Variants in KHDRBS2 observed in about 807,000 individuals in gnomAD.
KHDRBS2 encodes the protein KH RNA binding domain containing, signal transduction associated 2.
In KHDRBS2, 26 loss-of-function variants were observed where a neutral mutation model predicts 44.3. The observed-to-expected ratio is 0.59, with a 90% confidence interval of 0.43 to 0.81. The LOEUF (loss-of-function observed/expected upper bound fraction) is 0.81, where lower values mean the gene tolerates loss of function less well. Among genes scored for constraint, KHDRBS2 ranks in the 40% least tolerant of loss-of-function variants. The probability of loss-of-function intolerance (pLI) is 0.00; values close to 1 mark genes in which losing one functional copy is unlikely to be tolerated. For missense variants in KHDRBS2, 476 were observed against 433.1 expected, an observed-to-expected ratio of 1.10 and a Z score of -0.88; for synonymous variants, 194 against 151.1, an observed-to-expected ratio of 1.28 and a Z score of -2.08.
the KHDRBS2 span, among the ~76,000 whole-genome samples, chr6:61,668,367 T>A: frequency 2.6e-5 from 4 of 151,012 alleles, no homozygotes; most frequent in Non-Finnish European, 4.5e-5. Flanking sequence ...CTGGTATAAA[T>A]TTTTATTCTT....
intron 1 of KHDRBS2, among the ~76,000 whole-genome samples, chr6:62,262,881 A>AT (rs1258733459): frequency 1.3e-5 from 2 of 151,740 alleles, no homozygotes; most frequent in African/African-American, 2.4e-5. Flanking sequence ...ATATAGTAAA[A>AT]TTTTTCTCTA....
chr6:61,558,247 T>G, the KHDRBS2 span, among the ~76,000 whole-genome samples: 1 of 152,144 alleles, frequency 6.6e-6, no homozygotes, highest in Non-Finnish European at 1.5e-5. Context: ...TCTTACTTTT[T>G]TGATGTAGGT....
chr6:62,261,688 T>C (rs1395370174), intron 1 of KHDRBS2, among the ~76,000 whole-genome samples: 4 of 151,956 alleles, frequency 2.6e-5, no homozygotes, highest in African/African-American at 9.6e-5. Flanking sequence ...ATTAGCTTGC[T>C]AAATCGTATA....
chr6:62,156,832 C>T (rs1306180217), intron 2 of KHDRBS2, among the ~76,000 whole-genome samples: 12 of 114,838 alleles, frequency 1.0e-4, no homozygotes, highest in South Asian at 6.4e-4. Flanking sequence ...CCACCACGCC[C>T]GGCTAATTTT....
intron 2 of KHDRBS2, among the ~76,000 whole-genome samples, chr6:62,106,954 G>C (rs1803533309): frequency 6.6e-6 from 1 of 151,884 alleles, no homozygotes; most frequent in African/African-American, 2.4e-5. Flanking sequence ...AAAATAATAA[G>C]AGCCATCTAA....
chr6:61,965,468 C>T (rs1769715809), intron 4 of KHDRBS2, among the ~76,000 whole-genome samples: 1 of 151,908 alleles, frequency 6.6e-6, no homozygotes, highest in South Asian at 2.1e-4. Flanking sequence ...TTATTCCCTA[C>T]AGTTTCTTCT....
intron 4 of KHDRBS2, among the ~76,000 whole-genome samples, chr6:61,955,113 T>TAC (rs1554291299): frequency 7.1e-6 from 1 of 140,644 alleles, no homozygotes; most frequent in Admixed American, 7.0e-5. Flanking sequence ...TATACACATA[T>TAC]GTGTATATAT....
At chr6:61,704,627 G>A (rs556634713) in intron 7 of KHDRBS2, among the ~76,000 whole-genome samples, 2 of 151,750 alleles carry the variant, frequency 1.3e-5, no homozygotes, top group East Asian at 3.9e-4. Context: ...TTTATATTAG[G>A]AGCCATTGAA....
chr6:62,248,561 G>A (rs1483812489), intron 1 of KHDRBS2, among the ~76,000 whole-genome samples: 3 of 151,866 alleles, frequency 2.0e-5, no homozygotes, highest in Non-Finnish European at 4.4e-5. Context: ...GTTTCACCAC[G>A]TTGGCCAGGC....
At chr6:61,550,707 C>T in the KHDRBS2 span, among the ~76,000 whole-genome samples, 1 of 151,420 alleles carries the variant, frequency 6.6e-6, no homozygotes, top group Non-Finnish European at 1.5e-5. Context: ...ACAACCCCTC[C>T]AGCACATATT....
At chr6:61,609,821 A>C in the KHDRBS2 span, among the ~76,000 whole-genome samples, 1 of 152,220 alleles carries the variant, frequency 6.6e-6, no homozygotes, top group Admixed American at 6.5e-5. Context: ...GTTTTAAAAT[A>C]GTTTTTCTCA....
the KHDRBS2 span, among the ~76,000 whole-genome samples, chr6:61,584,645 C>A: frequency 6.6e-6 from 1 of 151,696 alleles, no homozygotes; most frequent in Non-Finnish European, 1.5e-5. Context: ...GATGACTTAA[C>A]AAACTAACAA....
At chr6:61,852,718 T>C (rs74622201) in intron 6 of KHDRBS2, among the ~76,000 whole-genome samples, 2,447 of 152,292 alleles carry the variant, frequency 0.016, 33 homozygotes, top group Non-Finnish European at 0.023. Context: ...GAGAATTTTG[T>C]AAACAGATTT....
Position 61,743,087 on chromosome 6 carries a change from A to C in KHDRBS2, c.811-10323T>G, listed in dbSNP as rs143169146. ...CTAATGCTAACTTTTCAATCAGCCC[A>C]GTAAAATCAAATAACAAACCTCAAG... is the stretch of plus-strand genomic sequence containing the variant. On this transcript the variant is annotated intron_variant, in intron 6 of 8. Coordinates refer to ENST00000281156, the MANE Select transcript of KHDRBS2 (RefSeq NM_152688.4). Among the ~76,000 whole-genome samples the C allele has an allele frequency of 3.3e-5, 5 of 152,240 alleles. No individual in the cohort carries two copies. In the East Asian group the frequency reaches 9.6e-4, roughly 29 times the overall value.
chr6:61,984,860 A>T (rs1486781481), intron 3 of KHDRBS2, among the ~76,000 whole-genome samples: 1 of 152,220 alleles, frequency 6.6e-6, no homozygotes, highest in African/African-American at 2.4e-5. Flanking sequence ...GTTATAATTC[A>T]TTTTAAGATA....
chr6:61,575,568 A>G, the KHDRBS2 span, among the ~76,000 whole-genome samples: 3 of 152,206 alleles, frequency 2.0e-5, no homozygotes, highest in Non-Finnish European at 4.4e-5. Flanking sequence ...AAGAACTAAA[A>G]GTAGAACTAC....
intron 1 of KHDRBS2, among the ~76,000 whole-genome samples, chr6:62,195,359 A>C (rs988884410): frequency 1.3e-5 from 2 of 152,152 alleles, no homozygotes; most frequent in African/African-American, 4.8e-5. Context: ...TTTGATATTT[A>C]TATCCTCTTA....
intron 7 of KHDRBS2, among the ~76,000 whole-genome samples, chr6:61,705,933 T>C (rs560583169): frequency 2.0e-4 from 30 of 151,976 alleles, no homozygotes; most frequent in African/African-American, 7.2e-4. Flanking sequence ...ATTATTTGCT[T>C]ATCTGTCTTC....
At chr6:61,918,218 T>C (rs928752301) in intron 4 of KHDRBS2, among the ~76,000 whole-genome samples, 3 of 151,992 alleles carry the variant, frequency 2.0e-5, no homozygotes, top group African/African-American at 7.2e-5. Context: ...TTTCTTCTTG[T>C]TCTGACATTT....
Sources: allele counts gnomAD v4.1 joint callset (sites outside exome capture counted in the v4.1 genomes callset), GRCh38; gene constraint gnomAD v4.1.1; transcripts MANE v1.5; gene names NCBI Gene and HGNC (gene_info 2026-07-23, HGNC 2026-07-21).